ARHGAP21: variants seen among roughly 807,000 people sequenced by gnomAD.
The protein encoded by ARHGAP21 is Rho GTPase activating protein 21.
A neutral mutation model predicts 164.6 loss-of-function variants in ARHGAP21; 38 were observed. The observed-to-expected ratio is 0.23, with a 90% CI of 0.18 to 0.30. ARHGAP21 has a LOEUF of 0.30. Among genes scored for constraint, ARHGAP21 ranks in the 10% least tolerant of loss-of-function variants. ARHGAP21 has a pLI of 1.00. For synonymous variants in ARHGAP21, 766 were observed against 857.9 expected (o/e 0.89, Z 1.87); for missense variants, 1,822 against 2,370.7 (o/e 0.77, Z 4.81).
At chr10:24,607,400 G>T in intron 11 of ARHGAP21, 99 bp downstream of exon 11, 1 of 983,646 alleles carries the variant, frequency 1.0e-6, no homozygotes, top group Non-Finnish European at 1.5e-6. Context: ...GTCAAAGTTA[G>T]AAAACATAAG....
chr10:24,659,256 T>C (rs931917763), intron 4 of ARHGAP21, among the ~76,000 whole-genome samples: 2 of 152,244 alleles, frequency 1.3e-5, no homozygotes, highest in South Asian at 2.1e-4. Context: ...AGCAGCACTA[T>C]TGTCCAAAGA....
At chr10:24,652,798 T>C (rs1306884661) in intron 4 of ARHGAP21, among the ~76,000 whole-genome samples, 1 of 152,170 alleles carries the variant, frequency 6.6e-6, no homozygotes, top group Non-Finnish European at 1.5e-5. Flanking sequence ...CAAGCGGAAC[T>C]CTCATACACT....
At chr10:24,627,356 T>C (rs989018700) in intron 7 of ARHGAP21, among the ~76,000 whole-genome samples, 2 of 152,180 alleles carry the variant, frequency 1.3e-5, no homozygotes, top group African/African-American at 2.4e-5. Context: ...GCATAAGTAC[T>C]TCTGAAGTAC....
chr10:24,604,125 G>T (rs561828252), intron 12 of ARHGAP21, among the ~76,000 whole-genome samples, 187 bp downstream of exon 12: 1 of 152,228 alleles, frequency 6.6e-6, no homozygotes, highest in East Asian at 1.9e-4. Flanking sequence ...AAAAAGGGCT[G>T]CTGGGCAGTT....
intron 2 of ARHGAP21, among the ~76,000 whole-genome samples, chr10:24,676,961 T>C (rs1841312757): frequency 6.6e-6 from 1 of 152,162 alleles, no homozygotes; most frequent in East Asian, 1.9e-4. Flanking sequence ...CCGAGCACTT[T>C]GAGAGGCTGA....
chr10:24,603,070 G>T (rs2130926572), intron 12 of ARHGAP21, among the ~76,000 whole-genome samples: 1 of 152,256 alleles, frequency 6.6e-6, no homozygotes, highest in East Asian at 1.9e-4. Flanking sequence ...TGCAGTTCAG[G>T]AAGGAGGTCA....
In ARHGAP21 at chr10:24,620,239, A is replaced by C. The variant is rs1834406864; in HGVS notation, c.1656T>G (p.Ser552=). The C allele has an allele frequency of 6.2e-7, 1 of 1,613,810 alleles. No homozygotes were observed. Among genetic ancestry groups the C allele is most frequent in the African/African-American group, 1.3e-5 (1 of 74,896 alleles). ...ERPRQQEIHK[S]FRGSNFTVAP... is the part of the protein sequence containing the mutation. ...CCACAGTAAAATTGGAACCTCGAAAAGATTTATGAATTTCTTGCTGCCTAG... is the reference window on the plus strand; with the variant it reads ...CCACAGTAAAATTGGAACCTCGAAACGATTTATGAATTTCTTGCTGCCTAG... The change falls in exon 9 of 26, where the codon TCT becomes TCG. Residue 552 remains serine, a synonymous_variant. Transcript: ENST00000396432.
At chr10:24,716,193 A>G (rs1168769895) in intron 2 of ARHGAP21, among the ~76,000 whole-genome samples, 12 of 152,230 alleles carry the variant, frequency 7.9e-5, no homozygotes, top group Admixed American at 7.2e-4. Context: ...CTGCACTCTC[A>G]ACACCTGCGT....
Position 24,633,459 on chromosome 10 carries a change from T to C in ARHGAP21, c.383A>G (p.Asn128Ser), listed in dbSNP as rs61758700. The change falls in exon 6 of 26, where the codon AAT becomes AGT. Residue 128 changes from asparagine (N) to serine (S), a missense_variant. Physicochemically the swap from Asn to Ser is conservative, Grantham distance 46 (BLOSUM62 1). Coordinates refer to ENST00000396432, the MANE Select transcript of ARHGAP21 (RefSeq NM_020824.4). ...LCTGDRIIKV[N>S]GESVIGKTYS... The stretch of plus-strand genomic sequence containing the variant: ...GGTTTTGCCAATAACACTTTCTCCA[T>C]TGACTTTTATAATTCGGTCACCTTC... 3.8e-3 allele frequency: 6,104 copies of C among 1,611,166 alleles called. 23 individuals are homozygous for C. Among genetic ancestry groups the C allele is most frequent in the Non-Finnish European group, 4.7e-3 (5,551 of 1,178,570 alleles).
chr10:24,693,545 G>T (rs934916142), intron 2 of ARHGAP21, among the ~76,000 whole-genome samples: 3 of 151,986 alleles, frequency 2.0e-5, no homozygotes, highest in African/African-American at 7.2e-5. Context: ...TAGAGATGGG[G>T]TTTCACCATG....
intron 6 of ARHGAP21, among the ~76,000 whole-genome samples, chr10:24,630,570 C>A (rs1359023360): frequency 6.6e-6 from 1 of 152,166 alleles, no homozygotes; most frequent in Admixed American, 6.5e-5. Context: ...TGGCTCACTG[C>A]AACCTCTGCC....
intron 2 of ARHGAP21, among the ~76,000 whole-genome samples, chr10:24,675,586 T>A (rs908439783): frequency 6.6e-6 from 1 of 152,094 alleles, no homozygotes; most frequent in Admixed American, 6.5e-5. Flanking sequence ...CATACCTCAA[T>A]AAAGACATTT....
Position 24,620,843 on chromosome 10 carries a change from T to G in ARHGAP21, c.1052A>C (p.Tyr351Ser). 2 of 1,614,080 alleles carry G rather than the reference T, an allele frequency of 1.2e-6. No homozygotes were observed. Among genetic ancestry groups the G allele is most frequent in the South Asian group, 2.2e-5 (2 of 91,076 alleles). Residue 351 changes from tyrosine to serine, a missense_variant, in exon 9 of 26, where the codon TAC (tyrosine) becomes TCC (serine). By Grantham distance (144) the Tyr-to-Ser change is moderately radical. Around this residue, in one of 5 missense-constraint regions of ARHGAP21, gnomAD observed 1,090 missense variants for 1,378.9 expected, o/e 0.79. Coordinates refer to ENST00000396432, the MANE Select transcript of ARHGAP21 (RefSeq NM_020824.4). ...TGAGATTCCATCAGAATGTCCACTG[T>G]AATTTCCAGACTTAAGTAAAATTCC... ...PSGILLKSGNYSGHSDGISSS... is the reference protein window; with the variant it reads ...PSGILLKSGNSSGHSDGISSS...
chr10:24,605,517 T>C (rs1190814271), intron 11 of ARHGAP21, among the ~76,000 whole-genome samples: 1 of 151,622 alleles, frequency 6.6e-6, no homozygotes, highest in Non-Finnish European at 1.5e-5. Flanking sequence ...GGAAAATTCC[T>C]GCTACCCTGG....
chr10:24,606,331 G>T (rs1213576343), intron 11 of ARHGAP21, among the ~76,000 whole-genome samples: 1 of 151,994 alleles, frequency 6.6e-6, no homozygotes, highest in Non-Finnish European at 1.5e-5. Flanking sequence ...TATATAAAAA[G>T]GATGCAGAAG....
chr10:24,669,178 T>G (rs980090269), intron 3 of ARHGAP21, among the ~76,000 whole-genome samples: 3 of 152,048 alleles, frequency 2.0e-5, no homozygotes, highest in Non-Finnish European at 4.4e-5. Flanking sequence ...TATAAAAAAT[T>G]TTAAAAAAGA....
chr10:24,607,450 G>A (rs775128654), intron 11 of ARHGAP21, 49 bp downstream of exon 11: 8 of 1,500,402 alleles, frequency 5.3e-6, no homozygotes, highest in Non-Finnish European at 7.4e-6. Context: ...AGGTCATGCT[G>A]AACACCCACC....
At chr10:24,611,337 T>C (rs2131045186) in intron 9 of ARHGAP21, among the ~76,000 whole-genome samples, 1 of 152,344 alleles carries the variant, frequency 6.6e-6, no homozygotes, top group African/African-American at 2.4e-5. Context: ...AGTAAACTGT[T>C]GAGTTGTCAC....
At chr10:24,587,859 G>GAA (rs1212186524) in intron 25 of ARHGAP21, among the ~76,000 whole-genome samples, 58 of 152,284 alleles carry the variant, frequency 3.8e-4, no homozygotes, top group Admixed American at 2.3e-3. Flanking sequence ...CTGTTTGTTA[G>GAA]AAGTAGTTAA....
Sources: allele counts gnomAD v4.1 joint callset (sites outside exome capture counted in the v4.1 genomes callset), GRCh38; gene constraint gnomAD v4.1.1; regional missense constraint gnomAD v4.1.1; transcripts MANE v1.5; gene names NCBI Gene and HGNC (gene_info 2026-07-23, HGNC 2026-07-21).